ITPR1: variants seen among roughly 807,000 people sequenced by gnomAD.
ITPR1 encodes inositol 1,4,5-trisphosphate receptor type 1.
Under a neutral mutation model 318.4 loss-of-function variants are expected in ITPR1, and 96 were observed. The observed-to-expected ratio is 0.30, with a 90% CI of 0.26 to 0.36. ITPR1 has a LOEUF of 0.36. ITPR1 is among the 10% of genes least tolerant of loss of function. The pLI is 1.00. For missense variants in ITPR1, 2,440 were observed against 3,460.2 expected (o/e 0.71, Z 7.40); for synonymous variants, 1,312 against 1,289.9 (o/e 1.02, Z -0.37).
chr3:4,623,009 C>T (rs985784198), intron 4 of ITPR1, among the ~76,000 whole-genome samples: 2 of 152,152 alleles, frequency 1.3e-5, no homozygotes, highest in African/African-American at 2.4e-5. Flanking sequence ...GGTCTGGCAA[C>T]CTTTATTCTT....
chr3:4,795,050 C>A lies in ITPR1; in HGVS notation c.6809-15C>A. On this transcript the variant is annotated splice_polypyrimidine_tract_variant and intron_variant, in intron 52 of 61. Transcript: ENST00000649015. ...GGGTCTCCAGCCTCACGCGGCTTTGCCTTTGTCTCTGCAGCCCAGCCCGTG... is the reference window on the plus strand; with the variant it reads ...GGGTCTCCAGCCTCACGCGGCTTTGACTTTGTCTCTGCAGCCCAGCCCGTG... The A allele has an allele frequency of 1.3e-6, 2 of 1,599,008 alleles. No individual in the cohort carries two copies. Among genetic ancestry groups the A allele is most frequent in the Non-Finnish European group, 1.7e-6 (2 of 1,170,704 alleles).
chr3:4,736,143 A>AC (rs1177610698), intron 44 of ITPR1, among the ~76,000 whole-genome samples: 1 of 107,182 alleles, frequency 9.3e-6, no homozygotes, highest in African/African-American at 2.7e-5. Context: ...TCTGAATAAG[A>AC]GTTTTTTTTT....
At chr3:4,770,717 G>T (rs2046131805) in intron 46 of ITPR1, among the ~76,000 whole-genome samples, 1 of 152,110 alleles carries the variant, frequency 6.6e-6, no homozygotes, top group Non-Finnish European at 1.5e-5. Context: ...TCCTCTTTGG[G>T]GCGTTAGAAC....
chr3:4,715,854 AAAC>A (rs2041727556), intron 39 of ITPR1, among the ~76,000 whole-genome samples: 1 of 152,198 alleles, frequency 6.6e-6, no homozygotes, highest in African/African-American at 2.4e-5. Context: ...CTCCATCTCA[AAAC>A]AACAACGACA....
Position 4,846,285 on chromosome 3 carries a change from T to C in ITPR1, c.*60T>C, listed in dbSNP as rs1414764639. On this transcript the variant is annotated 3_prime_UTR_variant, in exon 62 of 62. Coordinates refer to ENST00000649015, the MANE Select transcript of ITPR1 (RefSeq NM_001378452.1). Reference sequence around the variant, plus strand: ...TAATTATTATTAGTGTGGGTATGGCTAATGAGTTCTGATTCACCCACGAAG... The same window carrying C: ...TAATTATTATTAGTGTGGGTATGGCCAATGAGTTCTGATTCACCCACGAAG... 2.3e-5 allele frequency: 26 copies of C among 1,145,584 alleles called. No homozygotes were observed. Among genetic ancestry groups the C allele is most frequent in the Non-Finnish European group, 3.3e-5 (26 of 783,404 alleles). The allele number at this position is 1,145,584 out of a possible 1,614,324, so 71.0% of individuals were successfully genotyped here. A position where few individuals can be genotyped will look rare whatever the true frequency, so the allele number is the denominator to read the frequency against.
chr3:4,799,261 A>G (rs1354126503), intron 53 of ITPR1, among the ~76,000 whole-genome samples: 1 of 152,238 alleles, frequency 6.6e-6, no homozygotes, highest in African/African-American at 2.4e-5. Context: ...ATGTCTAACA[A>G]TTGTTAAATG....
At position 4,686,632 on chromosome 3, in the gene ITPR1, T is replaced by C. The variant is rs149578198; in HGVS notation, c.3702+1426T>C. 7.0e-3 allele frequency among the ~76,000 whole-genome samples: 1,069 copies of C among 152,316 alleles called. 5 individuals are homozygous for C. The highest frequency in any genetic ancestry group is 0.013 in the Non-Finnish European group (870 of 68,036). The stretch of plus-strand genomic sequence containing the variant: ...AGAATATCATGTGTGTGTATATCTG[T>C]GTGTGTACATGTGCACGCTTTTGTT... On this transcript the variant is annotated intron_variant, in intron 30 of 61. Transcript: ENST00000649015.
At chr3:4,511,627 G>A (rs2081833141) in intron 2 of ITPR1, among the ~76,000 whole-genome samples, 2 of 152,212 alleles carry the variant, frequency 1.3e-5, no homozygotes, top group Non-Finnish European at 2.9e-5. Context: ...TCAGCTTGCT[G>A]AGGTAGGTGC....
At chr3:4,654,056 T>C (rs1326483363) in intron 12 of ITPR1, among the ~76,000 whole-genome samples, 170 bp downstream of exon 12, 1 of 152,138 alleles carries the variant, frequency 6.6e-6, no homozygotes, top group Non-Finnish European at 1.5e-5. Context: ...GGGACCATAG[T>C]CCTTTGTGTC....
intron 44 of ITPR1, among the ~76,000 whole-genome samples, chr3:4,763,898 CTTTA>C (rs944930650): frequency 6.6e-6 from 1 of 152,246 alleles, no homozygotes; most frequent in African/African-American, 2.4e-5. Context: ...AGATGGCGGG[CTTTA>C]TTTATTCATT....
chr3:4,792,419 A>C (rs567480067), intron 52 of ITPR1, among the ~76,000 whole-genome samples: 1 of 152,274 alleles, frequency 6.6e-6, no homozygotes, highest in Non-Finnish European at 1.5e-5. Flanking sequence ...AAAACAATAA[A>C]TGTTTATTTC....
intron 3 of ITPR1, among the ~76,000 whole-genome samples, chr3:4,518,881 A>T (rs2082351175): frequency 6.6e-6 from 1 of 152,196 alleles, no homozygotes; most frequent in South Asian, 2.1e-4. Flanking sequence ...ACCAGCTTTT[A>T]AGACCAGCCT....
intron 51 of ITPR1, among the ~76,000 whole-genome samples, chr3:4,787,201 CA>C (rs888364737): frequency 1.8e-4 from 27 of 151,976 alleles, no homozygotes; most frequent in Middle Eastern, 3.4e-3. Context: ...AATATGCACA[CA>C]AAACACAGAG....
intron 44 of ITPR1, among the ~76,000 whole-genome samples, chr3:4,743,951 C>G (rs2043890828): frequency 6.6e-6 from 1 of 152,216 alleles, no homozygotes. Context: ...TCTCCTGTCT[C>G]AGCCTCCTGA....
At chr3:4,660,854 C>A in intron 13 of ITPR1, 134 bp from the exon 14 acceptor site, 2 of 446,756 alleles carry the variant, frequency 4.5e-6, no homozygotes, top group Non-Finnish European at 8.0e-6. Context: ...TTTGCCCCTT[C>A]GTGTATACTG....
intron 4 of ITPR1, among the ~76,000 whole-genome samples, chr3:4,538,488 C>A (rs534611270): frequency 6.6e-6 from 1 of 152,148 alleles, no homozygotes; most frequent in African/African-American, 2.4e-5. Context: ...GACAGTGTGG[C>A]GATTCCTCAA....
At chr3:4,658,392 T>G in intron 13 of ITPR1, 114 bp downstream of exon 13, 1 of 953,246 alleles carries the variant, frequency 1.0e-6, no homozygotes, top group Non-Finnish European at 1.5e-6. Context: ...TTATAAAGGA[T>G]TTGGTGAAAG....
At chr3:4,589,941 C>G (rs2090249259) in intron 4 of ITPR1, among the ~76,000 whole-genome samples, 1 of 152,164 alleles carries the variant, frequency 6.6e-6, no homozygotes, top group Non-Finnish European at 1.5e-5. Context: ...TCTTTCAGCT[C>G]TAACCATACT....
intron 44 of ITPR1, among the ~76,000 whole-genome samples, chr3:4,744,554 C>A (rs1325172465): frequency 6.6e-6 from 1 of 152,222 alleles, no homozygotes; most frequent in Non-Finnish European, 1.5e-5. Context: ...TAACTGCTTT[C>A]CTGCTTCAGG....
Sources: allele counts gnomAD v4.1 joint callset (sites outside exome capture counted in the v4.1 genomes callset), GRCh38; gene constraint gnomAD v4.1.1; transcripts MANE v1.5; gene names NCBI Gene and HGNC (gene_info 2026-07-23, HGNC 2026-07-21).